Variants in HPSE2 observed in about 807,000 individuals in gnomAD.
HPSE2 encodes the protein inactive heparanase-2.
HPSE2 carries 38 observed loss-of-function variants against 60.5 expected under a neutral mutation model. The observed-to-expected ratio is 0.63, with a 90% CI of 0.48 to 0.82. The LOEUF is 0.82. Among genes scored for constraint, HPSE2 ranks in the 40% least tolerant of loss-of-function variants. HPSE2 has a pLI of 0.00. For synonymous variants in HPSE2, 295 were observed against 293.2 expected, an observed-to-expected ratio of 1.01 and a Z score of -0.06; for missense variants, 713 against 740.4, an observed-to-expected ratio of 0.96 and a Z score of 0.43.
chr10:99,212,775 TAAGTA>T (rs1848993116), intron 2 of HPSE2, among the ~76,000 whole-genome samples: 1 of 152,170 alleles, frequency 6.6e-6, no homozygotes, highest in South Asian at 2.1e-4. Context: ...GAGAATAGAT[TAAGTA>T]TTCTCACCAC....
intron 2 of HPSE2, among the ~76,000 whole-genome samples, chr10:99,201,678 T>C (rs937436267): frequency 1.3e-5 from 2 of 152,226 alleles, no homozygotes; most frequent in African/African-American, 4.8e-5. Flanking sequence ...TTCCAAACAT[T>C]AGGCACTTTG....
At chr10:98,752,667 T>C (rs1276886734) in intron 3 of HPSE2, among the ~76,000 whole-genome samples, 1 of 152,216 alleles carries the variant, frequency 6.6e-6, no homozygotes, top group Non-Finnish European at 1.5e-5. Flanking sequence ...GACATCAGTA[T>C]TAATATTCTC....
In HPSE2 at chr10:98,677,623, A is replaced by AT. The variant is rs1565071958; in HGVS notation, c.1004+16276dup. Among the ~76,000 whole-genome samples, 8 of 152,142 alleles carry AT rather than the reference A, an allele frequency of 5.3e-5. No homozygotes were observed. The South Asian group carries it at 1.7e-3, about 32-fold the overall frequency. ...GGGGAAACTGAGCTCTGAAGGATTTATTTTTTTCTCAAGGCCACAAATCTA... is the reference window on the plus strand; with the variant it reads ...GGGGAAACTGAGCTCTGAAGGATTTATTTTTTTTCTCAAGGCCACAAATCTA... On this transcript the variant is annotated intron_variant, in intron 6 of 11. Coordinates refer to ENST00000370552, the MANE Select transcript of HPSE2 (RefSeq NM_021828.5).
At chr10:98,874,825 GT>G (rs1373179402) in intron 3 of HPSE2, among the ~76,000 whole-genome samples, 2 of 152,056 alleles carry the variant, frequency 1.3e-5, no homozygotes, top group Admixed American at 1.3e-4. Flanking sequence ...ATGAAGGGAT[GT>G]TGAATTTTAT....
intron 3 of HPSE2, among the ~76,000 whole-genome samples, chr10:99,033,295 CA>C (rs1049355178): frequency 4.6e-5 from 7 of 151,616 alleles, no homozygotes; most frequent in East Asian, 1.9e-4. Flanking sequence ...AATTTTTCTT[CA>C]AAAAAATTAT....
intron 3 of HPSE2, among the ~76,000 whole-genome samples, chr10:98,987,629 G>A (rs1297560177): frequency 6.6e-6 from 1 of 152,106 alleles, no homozygotes; most frequent in Non-Finnish European, 1.5e-5. Context: ...ACATAATGTT[G>A]GAAGTTCTGG....
chr10:98,630,106 A>G (rs1158261850), intron 7 of HPSE2, among the ~76,000 whole-genome samples: 1 of 151,330 alleles, frequency 6.6e-6, no homozygotes, highest in Non-Finnish European at 1.5e-5. Context: ...CTCTTCCCCC[A>G]TTGCTCCCCT....
intron 11 of HPSE2, among the ~76,000 whole-genome samples, chr10:98,474,617 A>G (rs534090498): frequency 1.1e-4 from 17 of 152,274 alleles, no homozygotes; most frequent in Middle Eastern, 3.4e-3. Flanking sequence ...TCCCAGAGAG[A>G]TGGAAAAAAT....
intron 2 of HPSE2, among the ~76,000 whole-genome samples, chr10:99,174,435 T>TC (rs1847443427): frequency 6.6e-6 from 1 of 152,214 alleles, no homozygotes; most frequent in Non-Finnish European, 1.5e-5. Context: ...AGGAGATGTA[T>TC]CGTCAACAAT....
the HPSE2 span, among the ~76,000 whole-genome samples, chr10:99,298,943 G>C: frequency 5.9e-5 from 9 of 152,170 alleles, no homozygotes; most frequent in Admixed American, 2.0e-4. Context: ...AAAGTGCTGG[G>C]ATAACAGGTG....
the HPSE2 span, among the ~76,000 whole-genome samples, chr10:99,277,260 T>C: frequency 6.6e-6 from 1 of 152,226 alleles, no homozygotes; most frequent in Non-Finnish European, 1.5e-5. Flanking sequence ...TGCAAAAATA[T>C]AAGTTAAAAA....
chr10:98,781,296 T>TC (rs1950461463), intron 3 of HPSE2, among the ~76,000 whole-genome samples: 1 of 121,520 alleles, frequency 8.2e-6, no homozygotes, highest in Admixed American at 8.4e-5. Context: ...TCTTTTTTTT[T>TC]TTTTTTTTTT....
At chr10:98,525,437 T>C (rs1462610415) in intron 9 of HPSE2, among the ~76,000 whole-genome samples, 1 of 152,120 alleles carries the variant, frequency 6.6e-6, no homozygotes, top group Non-Finnish European at 1.5e-5. Context: ...TGCCATAAAA[T>C]GGAATAGGAG....
chr10:98,826,935 A>T (rs1337523852), intron 3 of HPSE2, among the ~76,000 whole-genome samples: 2 of 152,128 alleles, frequency 1.3e-5, no homozygotes, highest in East Asian at 3.9e-4. Context: ...ATCGCTTGAG[A>T]CCAGGAGTTT....
chr10:99,269,822 G>A, the HPSE2 span, among the ~76,000 whole-genome samples: 1 of 152,142 alleles, frequency 6.6e-6, no homozygotes, highest in African/African-American at 2.4e-5. Flanking sequence ...AACTCCGAAA[G>A]GAACCCTCAA....
At chr10:98,649,178 G>A (rs938057859) in intron 6 of HPSE2, among the ~76,000 whole-genome samples, 5 of 152,060 alleles carry the variant, frequency 3.3e-5, no homozygotes, top group African/African-American at 9.7e-5. Flanking sequence ...TCCTTCCCCT[G>A]GCCTCTTTTC....
intron 3 of HPSE2, among the ~76,000 whole-genome samples, chr10:98,840,488 AAG>A (rs1951883933): frequency 6.6e-6 from 1 of 152,336 alleles, no homozygotes; most frequent in South Asian, 2.1e-4. Context: ...AATATTGCAG[AAG>A]AGAGATAATA....
intron 3 of HPSE2, among the ~76,000 whole-genome samples, chr10:98,976,236 A>G (rs1956082066): frequency 6.6e-6 from 1 of 152,154 alleles, no homozygotes; most frequent in Non-Finnish European, 1.5e-5. Context: ...TATTTACTAT[A>G]ATATATTTCT....
At chr10:98,623,910 C>T (rs760656208) in intron 7 of HPSE2, among the ~76,000 whole-genome samples, 15 of 151,812 alleles carry the variant, frequency 9.9e-5, no homozygotes, top group Non-Finnish European at 1.6e-4. Context: ...TGGAGGAAAA[C>T]GCTGAGAAAG....
Sources: allele counts gnomAD v4.1 joint callset (sites outside exome capture counted in the v4.1 genomes callset), GRCh38; gene constraint gnomAD v4.1.1; transcripts MANE v1.5; gene names NCBI Gene and HGNC (gene_info 2026-07-23, HGNC 2026-07-21).